The following SGCZ variants were observed in gnomAD, a reference collection of about 807,000 sequenced individuals.
The protein encoded by SGCZ is sarcoglycan zeta, also known as zeta-sarcoglycan.
SGCZ carries 40 observed loss-of-function variants against 41.3 expected under a neutral mutation model. The ratio of observed to expected loss-of-function variants is 0.97; its 90% CI spans 0.75 to 1.26. The LOEUF is 1.26. Among genes scored for constraint, SGCZ ranks in the 50% most tolerant of loss-of-function variants. The pLI, the probability that SGCZ is intolerant of heterozygous loss-of-function variation, is 0.00. For missense variants in SGCZ, 552 were observed against 369.8 expected (o/e 1.49, Z -4.04); for synonymous variants, 206 against 137.5 (o/e 1.50, Z -3.49).
At chr8:14,640,560 T>C (rs1462598179) in intron 1 of SGCZ, among the ~76,000 whole-genome samples, 2 of 151,742 alleles carry the variant, frequency 1.3e-5, no homozygotes, top group Admixed American at 6.6e-5. Context: ...AACTTTTTAA[T>C]TGATATATAA....
At chr8:14,927,273 T>G (rs755717255) in intron 1 of SGCZ, among the ~76,000 whole-genome samples, 1 of 151,854 alleles carries the variant, frequency 6.6e-6, no homozygotes, top group Non-Finnish European at 1.5e-5. Context: ...CACGCCCGCC[T>G]AATTTTTTTC....
At chr8:14,397,783 C>A (rs987987051) in intron 2 of SGCZ, among the ~76,000 whole-genome samples, 1 of 152,120 alleles carries the variant, frequency 6.6e-6, no homozygotes, top group Non-Finnish European at 1.5e-5. Context: ...CTGTCACCAG[C>A]ATCTTCATCC....
intron 1 of SGCZ, among the ~76,000 whole-genome samples, chr8:15,220,006 A>G (rs1352935827): frequency 6.6e-6 from 1 of 152,212 alleles, no homozygotes; most frequent in Non-Finnish European, 1.5e-5. Flanking sequence ...ATGGTACACA[A>G]ATTGTTCTAA....
chr8:14,406,256 A>T (rs774996745), intron 2 of SGCZ, among the ~76,000 whole-genome samples: 3 of 152,020 alleles, frequency 2.0e-5, no homozygotes, highest in Non-Finnish European at 2.9e-5. Context: ...TTCTCATCTC[A>T]CAGAGGCTCC....
In SGCZ at chr8:14,585,231, A is replaced by G. The variant is rs113503950; in HGVS notation, c.40-30305T>C. Among the ~76,000 whole-genome samples the G allele has an allele frequency of 6.0e-3, 913 of 152,202 alleles. 13 individuals are homozygous for G. Among genetic ancestry groups the G allele is most frequent in the African/African-American group, 0.02 (848 of 41,562 alleles). On this transcript the variant is annotated intron_variant, in intron 1 of 7. Transcript: ENST00000382080. Reference sequence around the variant, plus strand: ...TCAAGAAGCATTCTTCTGGTTCTCTAGTTATTTTCCCCACTTAAATATAAA... The same window carrying G: ...TCAAGAAGCATTCTTCTGGTTCTCTGGTTATTTTCCCCACTTAAATATAAA...
intron 2 of SGCZ, among the ~76,000 whole-genome samples, chr8:14,385,689 A>T (rs1804550467): frequency 6.6e-6 from 1 of 152,230 alleles, no homozygotes. Context: ...ATTTACTTTA[A>T]AAGTAATACA....
chr8:14,131,507 T>C (rs1025219066), intron 5 of SGCZ, among the ~76,000 whole-genome samples: 3 of 152,196 alleles, frequency 2.0e-5, no homozygotes, highest in East Asian at 1.9e-4. Flanking sequence ...ATTGATCTTA[T>C]TGAGAATCTT....
chr8:14,120,683 T>C (rs538744773), intron 5 of SGCZ, among the ~76,000 whole-genome samples: 1 of 152,088 alleles, frequency 6.6e-6, no homozygotes, highest in South Asian at 2.1e-4. Flanking sequence ...TTAAATACAA[T>C]TAGAAAACAA....
Position 14,604,421 on chromosome 8 carries a change from A to AT in SGCZ, c.40-49496dup, listed in dbSNP as rs386722651. ...ATGGGGTGACAATCTATAAGCCATG[A>AT]TTTTTTTTTTATCTGTGCACTAGAG... On this transcript the variant is annotated intron_variant, in intron 1 of 7. Coordinates refer to ENST00000382080, the MANE Select transcript of SGCZ (RefSeq NM_139167.4). Among the ~76,000 whole-genome samples, 31 of 145,712 alleles carry AT rather than the reference A, an allele frequency of 2.1e-4. No individual in the cohort carries two copies. The East Asian group carries it at 2.4e-3, about 11-fold the overall frequency.
rs374340796 is a variant in SGCZ at position 14,869,928 on chromosome 8, G to C, written c.40-315002C>G. On this transcript the variant is annotated intron_variant, in intron 1 of 7. Transcript: ENST00000382080. Reference sequence around the variant, plus strand: ...CAAAACACTGCTCAAGTAACTAAGAGAGGACACAAACAAATGGAAAAATAT... The same window carrying C: ...CAAAACACTGCTCAAGTAACTAAGACAGGACACAAACAAATGGAAAAATAT... Among the ~76,000 whole-genome samples, 12 of 152,268 alleles carry C rather than the reference G, an allele frequency of 7.9e-5. No homozygotes were observed. In the East Asian group the frequency reaches 2.1e-3, roughly 27 times the overall value.
At chr8:14,750,434 C>T (rs1287568729) in intron 1 of SGCZ, among the ~76,000 whole-genome samples, 1 of 152,076 alleles carries the variant, frequency 6.6e-6, no homozygotes, top group Admixed American at 6.5e-5. Flanking sequence ...GACAATTTTT[C>T]CTCCCATTTC....
At chr8:15,150,413 C>G (rs1799145488) in intron 1 of SGCZ, among the ~76,000 whole-genome samples, 1 of 152,100 alleles carries the variant, frequency 6.6e-6, no homozygotes, top group Non-Finnish European at 1.5e-5. Context: ...AAAAGGTTTC[C>G]TTCGATGCCC....
At chr8:14,690,194 A>G (rs1244968063) in intron 1 of SGCZ, among the ~76,000 whole-genome samples, 1 of 151,932 alleles carries the variant, frequency 6.6e-6, no homozygotes, top group Admixed American at 6.6e-5. Context: ...TACTACAGGA[A>G]GCATTTTTAG....
Position 14,214,755 on chromosome 8 carries a change from A to C in SGCZ, c.424+22837T>G, listed in dbSNP as rs191741175. ...ATTAGATAATATTATAAAGCAAAGA[A>C]TATTACCCGGACAAAAAAAAGGACA... On this transcript the variant is annotated intron_variant, in intron 4 of 7. Transcript: ENST00000382080. Among the ~76,000 whole-genome samples the C allele has an allele frequency of 2.6e-5, 4 of 152,214 alleles. No individual in the cohort carries two copies. In the East Asian group the frequency reaches 5.8e-4, roughly 22 times the overall value.
intron 1 of SGCZ, among the ~76,000 whole-genome samples, chr8:14,608,716 A>T (rs1168659011): frequency 6.6e-6 from 1 of 151,404 alleles, no homozygotes; most frequent in Admixed American, 6.6e-5. Context: ...GGTATGGGGG[A>T]TCCACCCCCA....
chr8:14,109,375 T>C (rs938275218), intron 5 of SGCZ, among the ~76,000 whole-genome samples: 4 of 152,140 alleles, frequency 2.6e-5, no homozygotes, highest in Non-Finnish European at 2.9e-5. Flanking sequence ...AAAAAAATGT[T>C]CCAAATAAGA....
At chr8:14,136,419 T>A (rs1279335456) in intron 5 of SGCZ, among the ~76,000 whole-genome samples, 1 of 152,120 alleles carries the variant, frequency 6.6e-6, no homozygotes, top group Non-Finnish European at 1.5e-5. Flanking sequence ...TGACAGATGG[T>A]ACCTTGAAAA....
chr8:14,477,317 G>C (rs1178192481), intron 2 of SGCZ, among the ~76,000 whole-genome samples: 1 of 152,092 alleles, frequency 6.6e-6, no homozygotes, highest in Non-Finnish European at 1.5e-5. Flanking sequence ...AACCAACTTT[G>C]AGATACTTAC....
chr8:14,596,821 G>C (rs1805427412), intron 1 of SGCZ, among the ~76,000 whole-genome samples: 1 of 151,812 alleles, frequency 6.6e-6, no homozygotes, highest in African/African-American at 2.4e-5. Flanking sequence ...CATGTATCCT[G>C]GAAATTAGAG....
Sources: gnomAD v4.1 joint callset for allele counts (sites outside exome capture counted in the v4.1 genomes callset) on GRCh38, gnomAD v4.1.1 for gene constraint, MANE v1.5 for transcripts, NCBI Gene and HGNC (gene_info 2026-07-23, HGNC 2026-07-21) for gene names.